Variants in VCF1 observed in about 807,000 individuals in gnomAD.
The protein encoded by VCF1 is VCP nuclear cofactor family member 1.
At chr17:73,231,189 C>CA in the VCF1 span, among the ~76,000 whole-genome samples, 1 of 152,156 alleles carries the variant, frequency 6.6e-6, no homozygotes, top group African/African-American at 2.4e-5. Context: ...CAAATAAACT[C>CA]AGAATACTTT....
the VCF1 span, among the ~76,000 whole-genome samples, chr17:73,220,700 C>T: frequency 2.6e-5 from 4 of 151,064 alleles, no homozygotes; most frequent in Admixed American, 2.6e-4. Flanking sequence ...CTGCCTCTGT[C>T]TCCCAAAGTG....
the VCF1 span, among the ~76,000 whole-genome samples, chr17:73,220,817 G>A: frequency 3.5e-4 from 51 of 146,078 alleles, 1 homozygote; most frequent in African/African-American, 1.2e-3. Context: ...AAATGGTCTT[G>A]TTAAGCTAAG....
At chr17:73,207,549 C>T in the VCF1 span, 1 of 638,042 alleles carries the variant, frequency 1.6e-6, no homozygotes, top group Non-Finnish European at 2.6e-6. Context: ...GAGTTAACTG[C>T]CAACCCGGCA....
chr17:73,227,472 A>C, the VCF1 span, among the ~76,000 whole-genome samples: 2 of 152,262 alleles, frequency 1.3e-5, no homozygotes, highest in Admixed American at 1.3e-4. Flanking sequence ...AGCGAGGTCA[A>C]GCTTAAGTTA....
chr17:73,211,350 C>T, the VCF1 span, among the ~76,000 whole-genome samples: 3 of 152,120 alleles, frequency 2.0e-5, no homozygotes, highest in African/African-American at 4.8e-5. Context: ...TGCAGTGGCT[C>T]ATGCCTCAGG....
At chr17:73,232,382 C>T in the VCF1 span, 1 of 1,428,194 alleles carries the variant, frequency 7.0e-7, no homozygotes, top group Non-Finnish European at 9.2e-7. Flanking sequence ...GGTAACCCCG[C>T]CCACGGGAAG....
chr17:73,227,283 G>GAT, the VCF1 span: 1 of 1,410,866 alleles, frequency 7.1e-7, no homozygotes, highest in Non-Finnish European at 9.4e-7. Context: ...AAATCACAAG[G>GAT]AGAAAAAAAA....
At chr17:73,225,893 ATATATATTTT>A in the VCF1 span, among the ~76,000 whole-genome samples, 1 of 72,484 alleles carries the variant, frequency 1.4e-5, no homozygotes, top group African/African-American at 5.6e-5. Flanking sequence ...ATATATATAT[ATATATATTTT>A]TTTTTTTTTT....
At chr17:73,227,319 G>C in the VCF1 span, 2 of 1,412,520 alleles carry the variant, frequency 1.4e-6, no homozygotes, top group Non-Finnish European at 1.9e-6. Context: ...CGATGTTTTG[G>C]ACACTTGAAT....
the VCF1 span, chr17:73,229,582 T>C: frequency 2.0e-6 from 2 of 985,386 alleles, no homozygotes; most frequent in Non-Finnish European, 2.4e-6. Flanking sequence ...CTTAAGAGTA[T>C]GGGCTGGGCA....
the VCF1 span, among the ~76,000 whole-genome samples, chr17:73,224,904 GGA>G: frequency 2.0e-5 from 3 of 147,018 alleles, no homozygotes; most frequent in South Asian, 2.2e-4. Flanking sequence ...GGACAGGACA[GGA>G]CAGGACAGGA....
At chr17:73,221,500 T>C in the VCF1 span, among the ~76,000 whole-genome samples, 2 of 152,078 alleles carry the variant, frequency 1.3e-5, no homozygotes, top group Non-Finnish European at 2.9e-5. Context: ...TAGAAAAAAA[T>C]TGATAAAATC....
At chr17:73,208,318 T>TC in the VCF1 span, 30 of 1,613,306 alleles carry the variant, frequency 1.9e-5, 1 homozygote, top group South Asian at 2.7e-4. Flanking sequence ...TGGCAGGTTG[T>TC]CCCCCCGGCA....
At chr17:73,208,512 C>A in the VCF1 span, 1 of 1,569,856 alleles carries the variant, frequency 6.4e-7, no homozygotes, top group Non-Finnish European at 8.7e-7. Flanking sequence ...TCTAAAGGTG[C>A]CTCTGCTCAT....
chr17:73,218,017 G>A, the VCF1 span, among the ~76,000 whole-genome samples: 2 of 152,166 alleles, frequency 1.3e-5, no homozygotes, highest in African/African-American at 4.8e-5. Flanking sequence ...TTTCTGTCAA[G>A]CCCCAGCTTC....
chr17:73,208,693 C>A, the VCF1 span: 13 of 545,818 alleles, frequency 2.4e-5, no homozygotes, highest in East Asian at 4.3e-4. Flanking sequence ...TTCAACAACA[C>A]CTTAATTGTT....
the VCF1 span, among the ~76,000 whole-genome samples, chr17:73,214,621 CTAAAG>C: frequency 1.3e-5 from 2 of 152,252 alleles, no homozygotes; most frequent in South Asian, 4.1e-4. Flanking sequence ...TTTTTGTCTC[CTAAAG>C]TAAACATCTT....
chr17:73,231,070 C>A, the VCF1 span, among the ~76,000 whole-genome samples: 1 of 152,108 alleles, frequency 6.6e-6, no homozygotes, highest in African/African-American at 2.4e-5. Flanking sequence ...CAAATTTAGT[C>A]CACTCTTCTT....
the VCF1 span, chr17:73,208,252 G>C: frequency 3.7e-6 from 6 of 1,610,140 alleles, no homozygotes; most frequent in Non-Finnish European, 5.1e-6. Context: ...GTCGCGCGGA[G>C]GGCGAGTGGG....
Sources: gnomAD v4.1 joint callset for allele counts (sites outside exome capture counted in the v4.1 genomes callset) on GRCh38, gnomAD v4.1.1 for gene constraint, MANE v1.5 for transcripts, NCBI Gene and HGNC (gene_info 2026-07-23, HGNC 2026-07-21) for gene names.